SGCZ: variants seen among roughly 807,000 people sequenced by gnomAD.
SGCZ encodes the protein zeta-sarcoglycan.
In SGCZ, 40 loss-of-function variants were observed where a neutral mutation model predicts 41.3. The observed-to-expected ratio is 0.97, with a 90% CI of 0.75 to 1.26. SGCZ has a LOEUF of 1.26. SGCZ is among the 50% of genes most tolerant of loss of function. The pLI, the probability that SGCZ is intolerant of heterozygous loss-of-function variation, is 0.00. For synonymous variants in SGCZ, 206 were observed against 137.5 expected, an observed-to-expected ratio of 1.50 and a Z score of -3.49; for missense variants, 552 against 369.8, an observed-to-expected ratio of 1.49 and a Z score of -4.04.
chr8:14,989,968 G>A (rs548403445), intron 1 of SGCZ, among the ~76,000 whole-genome samples: 12 of 152,218 alleles, frequency 7.9e-5, no homozygotes, highest in African/African-American at 1.7e-4. Context: ...CAAAAGTACC[G>A]GGAGGTACGC....
At chr8:14,300,182 G>C (rs1343617400) in intron 3 of SGCZ, among the ~76,000 whole-genome samples, 1 of 151,582 alleles carries the variant, frequency 6.6e-6, no homozygotes, top group Non-Finnish European at 1.5e-5. Flanking sequence ...TCAAAGTTGT[G>C]TATTTCACTG....
intron 4 of SGCZ, among the ~76,000 whole-genome samples, chr8:14,236,078 T>G (rs996016867): frequency 6.6e-6 from 1 of 152,186 alleles, no homozygotes; most frequent in African/African-American, 2.4e-5. Context: ...GTTCTCAACT[T>G]TAAGAAAATT....
At chr8:14,277,524 C>A (rs1011710294) in intron 3 of SGCZ, among the ~76,000 whole-genome samples, 21 of 152,042 alleles carry the variant, frequency 1.4e-4, no homozygotes, top group East Asian at 1.2e-3. Context: ...TGAAGGGTAA[C>A]CTTTTTATTG....
At chr8:14,197,639 T>A (rs1003402928) in intron 4 of SGCZ, among the ~76,000 whole-genome samples, 3 of 152,090 alleles carry the variant, frequency 2.0e-5, no homozygotes, top group Non-Finnish European at 4.4e-5. Flanking sequence ...CTTAATAAAT[T>A]GGGAATGAAA....
At chr8:15,045,476 G>C (rs1394170793) in intron 1 of SGCZ, among the ~76,000 whole-genome samples, 1 of 152,016 alleles carries the variant, frequency 6.6e-6, no homozygotes, top group Non-Finnish European at 1.5e-5. Flanking sequence ...GTTTCAATCA[G>C]TAATAACCAA....
chr8:14,583,447 T>C (rs1018060261), intron 1 of SGCZ, among the ~76,000 whole-genome samples: 3 of 152,134 alleles, frequency 2.0e-5, no homozygotes, highest in African/African-American at 7.2e-5. Context: ...TTCTCCCATT[T>C]TGTAGGTTGC....
chr8:14,353,084 A>T (rs1181343325), intron 2 of SGCZ, among the ~76,000 whole-genome samples: 1 of 98,882 alleles, frequency 1.0e-5, no homozygotes, highest in Non-Finnish European at 3.0e-5. Context: ...CATGAGTTTG[A>T]AATCTTGTTC....
intron 1 of SGCZ, among the ~76,000 whole-genome samples, chr8:15,119,919 C>G (rs907545675): frequency 1.3e-5 from 2 of 152,232 alleles, no homozygotes; most frequent in Non-Finnish European, 2.9e-5. Context: ...AAGCCATCCT[C>G]TTGCTTCAGC....
intron 1 of SGCZ, among the ~76,000 whole-genome samples, chr8:14,592,212 C>T (rs938013): frequency 0.27 from 40,386 of 151,786 alleles, 5,623 homozygotes; most frequent in African/African-American, 0.34. Context: ...CCTTAGATTC[C>T]TAGTTTTAAA....
intron 1 of SGCZ, among the ~76,000 whole-genome samples, chr8:14,922,045 C>T (rs1278041653): frequency 1.3e-5 from 2 of 151,888 alleles, no homozygotes; most frequent in Admixed American, 6.6e-5. Flanking sequence ...TTTTCCTTAC[C>T]ATCAAATGTT....
At chr8:14,385,605 T>G (rs915554668) in intron 2 of SGCZ, among the ~76,000 whole-genome samples, 2 of 152,102 alleles carry the variant, frequency 1.3e-5, no homozygotes, top group African/African-American at 2.4e-5. Context: ...TGACTTTGAG[T>G]GTAGAGATAA....
intron 1 of SGCZ, among the ~76,000 whole-genome samples, chr8:15,097,377 A>T (rs896681279): frequency 1.3e-5 from 2 of 152,130 alleles, no homozygotes; most frequent in Admixed American, 6.6e-5. Flanking sequence ...TCTAATGGTA[A>T]TATAAAAGGC....
chr8:15,053,910 AT>A (rs1376893046), intron 1 of SGCZ, among the ~76,000 whole-genome samples: 2 of 152,168 alleles, frequency 1.3e-5, no homozygotes, highest in African/African-American at 2.4e-5. Context: ...AAAACCCAAA[AT>A]CCCCCATTCT....
chr8:15,016,509 T>C (rs571039266), intron 1 of SGCZ, among the ~76,000 whole-genome samples: 2 of 152,160 alleles, frequency 1.3e-5, no homozygotes, highest in South Asian at 2.1e-4. Context: ...AAAGAAAGAA[T>C]AAAGCGACTT....
intron 3 of SGCZ, among the ~76,000 whole-genome samples, chr8:14,254,767 G>A (rs1267807707): frequency 6.6e-6 from 1 of 151,962 alleles, no homozygotes; most frequent in Non-Finnish European, 1.5e-5. Context: ...TCTGGAGGAG[G>A]AATTTGTGAT....
chr8:14,726,726 A>G (rs1810069406), intron 1 of SGCZ, among the ~76,000 whole-genome samples: 3 of 152,268 alleles, frequency 2.0e-5, no homozygotes, highest in South Asian at 2.1e-4. Context: ...ACTTGAATGA[A>G]CATACAAACC....
chr8:14,883,258 G>A lies in SGCZ; in HGVS notation c.40-328332C>T, dbSNP rs554758257. On this transcript the variant is annotated intron_variant, in intron 1 of 7. Coordinates refer to ENST00000382080, the MANE Select transcript of SGCZ (RefSeq NM_139167.4). ...CTTAAAAAAAAAAAAAAACCACAGAGTGCAAAGTGAGAACCAGAAGGAACT... is the reference window on the plus strand; with the variant it reads ...CTTAAAAAAAAAAAAAAACCACAGAATGCAAAGTGAGAACCAGAAGGAACT... Among the ~76,000 whole-genome samples the A allele has an allele frequency of 4.7e-3, 711 of 150,098 alleles. 7 individuals carry two copies. The highest frequency in any genetic ancestry group is 8.3e-3 in the Non-Finnish European group (564 of 67,682).
At chr8:14,507,076 G>A (rs1351167773) in intron 2 of SGCZ, among the ~76,000 whole-genome samples, 5 of 149,566 alleles carry the variant, frequency 3.3e-5, no homozygotes, top group Non-Finnish European at 7.4e-5. Context: ...CCACTTGGAT[G>A]TCAAATGGGT....
chr8:15,035,110 A>C (rs1489222775), intron 1 of SGCZ, among the ~76,000 whole-genome samples: 1 of 152,140 alleles, frequency 6.6e-6, no homozygotes, highest in East Asian at 1.9e-4. Flanking sequence ...TATGAAGGGT[A>C]AATGACAAAA....
Sources: gnomAD v4.1 joint callset for allele counts (sites outside exome capture counted in the v4.1 genomes callset) on GRCh38, gnomAD v4.1.1 for gene constraint, MANE v1.5 for transcripts, NCBI Gene and HGNC (gene_info 2026-07-23, HGNC 2026-07-21) for gene names.